Variants in AKT3 observed in about 807,000 individuals in gnomAD.
AKT3 encodes the protein AKT serine/threonine kinase 3.
In AKT3, 15 loss-of-function variants were observed where a neutral mutation model predicts 65.3. The ratio of observed to expected loss-of-function variants is 0.23; its 90% CI spans 0.15 to 0.35. The LOEUF is 0.35. AKT3 is among the 10% of genes least tolerant of loss of function. The pLI, the probability that AKT3 is intolerant of heterozygous loss-of-function variation, is 1.00. For missense variants in AKT3, 243 were observed against 576.5 expected (o/e 0.42, Z 5.92); for synonymous variants, 206 against 183.8 (o/e 1.12, Z -0.98).
chr1:243,743,237 T>G (rs1177574671), intron 2 of AKT3, among the ~76,000 whole-genome samples: 1 of 152,196 alleles, frequency 6.6e-6, no homozygotes, highest in East Asian at 1.9e-4. Context: ...ATTAGGCAGA[T>G]CAACTTTTAA....
rs1216708075 is a variant in AKT3, at chr1:243,571,373, G to A, written c.819+1553C>T. Reference sequence around the variant, plus strand: ...ATTCATTTGATGAGAAATGATTAAAGAAGAAATACTGACCAAGACCATAAT... The same window carrying A: ...ATTCATTTGATGAGAAATGATTAAAAAAGAAATACTGACCAAGACCATAAT... On this transcript the variant is annotated intron_variant, in intron 9 of 13. Transcript: ENST00000673466. Among the ~76,000 whole-genome samples the A allele has an allele frequency of 1.4e-4, 21 of 152,178 alleles. 1 individual carries two copies. The highest frequency in any genetic ancestry group is 3.1e-4 in the Non-Finnish European group (21 of 68,028).
At chr1:243,815,824 C>G (rs963402480) in intron 2 of AKT3, among the ~76,000 whole-genome samples, 5 of 94,490 alleles carry the variant, frequency 5.3e-5, no homozygotes, top group Admixed American at 1.2e-4. Context: ...ACCATCTTGC[C>G]CAGGCTGATC....
chr1:243,850,633 ACTC>A (rs1349412093), upstream of AKT3, among the ~76,000 whole-genome samples: 1 of 149,128 alleles, frequency 6.7e-6, no homozygotes, highest in East Asian at 2.0e-4. Context: ...TTTGAGGAAA[ACTC>A]CTGACGTCAG....
chr1:243,562,063 A>G (rs967993827), intron 10 of AKT3, among the ~76,000 whole-genome samples: 7 of 152,210 alleles, frequency 4.6e-5, no homozygotes, highest in African/African-American at 1.7e-4. Flanking sequence ...TAGCCAAAAA[A>G]TGGATGCAAC....
intron 5 of AKT3, among the ~76,000 whole-genome samples, chr1:243,638,381 CTTTCT>C (rs1165384656): frequency 6.6e-6 from 1 of 152,118 alleles, no homozygotes; most frequent in Non-Finnish European, 1.5e-5. Flanking sequence ...TTTCACTTCT[CTTTCT>C]TAAGTCAGGT....
intron 2 of AKT3, among the ~76,000 whole-genome samples, chr1:243,806,488 C>A (rs868025296): frequency 1.3e-5 from 2 of 152,190 alleles, no homozygotes; most frequent in Non-Finnish European, 2.9e-5. Flanking sequence ...AAAGCATTAA[C>A]TGACTACACC....
At chr1:243,661,697 T>G (rs1447437278) in intron 4 of AKT3, among the ~76,000 whole-genome samples, 6 of 150,728 alleles carry the variant, frequency 4.0e-5, no homozygotes, top group African/African-American at 9.7e-5. Context: ...AAGCCAAAAT[T>G]GACAAATGGG....
In AKT3 at chr1:243,622,320, G is replaced by A. The variant is rs907595874; in HGVS notation, c.562-7159C>T. On this transcript the variant is annotated intron_variant, in intron 6 of 13. Transcript: ENST00000673466. ...TCACCTTTCAGTGAGGCCTTCCATA[G>A]TCATGCTATTTAAAACTGCATTAAG... is the stretch of plus-strand genomic sequence containing the variant. Among the ~76,000 whole-genome samples the A allele has an allele frequency of 6.6e-5, 10 of 152,134 alleles. 1 individual carries two copies. The highest frequency in any genetic ancestry group is 2.4e-4 in the African/African-American group (10 of 41,416).
intron 12 of AKT3, among the ~76,000 whole-genome samples, chr1:243,531,554 T>A (rs1671532421): frequency 6.6e-6 from 1 of 152,230 alleles, no homozygotes; most frequent in Non-Finnish European, 1.5e-5. Flanking sequence ...TGTAGTACGG[T>A]ATTCTGTAAA....
chr1:243,607,588 G>C (rs1677522069), intron 8 of AKT3, among the ~76,000 whole-genome samples: 1 of 152,208 alleles, frequency 6.6e-6, no homozygotes, highest in Admixed American at 6.5e-5. Flanking sequence ...AGTCAGAAGA[G>C]ACTTGCCTTG....
In AKT3 at chr1:243,527,914, CACACACACACACACACACACACAG is replaced by C. The variant is rs1163943012; in HGVS notation, c.1252-15512_1252-15489del. Among the ~76,000 whole-genome samples the C allele has an allele frequency of 2.7e-3, 262 of 97,370 alleles. 3 individuals carry two copies. Among genetic ancestry groups the C allele is most frequent in the East Asian group, 7.8e-3 (20 of 2,554 alleles). The allele number at this position is 97,370 out of a possible 152,430, so 63.9% of individuals were successfully genotyped here. On this transcript the variant is annotated intron_variant, in intron 12 of 13. Coordinates refer to ENST00000673466, the MANE Select transcript of AKT3 (RefSeq NM_005465.7). ...ACACACACACACACACACACACACA[CACACACACACACACACACACACAG>C]AGAGAGAGAGAGAGAGAGAGAATTT...
intron 2 of AKT3, among the ~76,000 whole-genome samples, chr1:243,838,926 C>T (rs1180753045): frequency 6.6e-6 from 1 of 152,068 alleles, no homozygotes; most frequent in African/African-American, 2.4e-5. Flanking sequence ...AATAAAGTAA[C>T]ACGAGCATGG....
At chr1:243,627,569 A>G (rs1679275215) in intron 6 of AKT3, among the ~76,000 whole-genome samples, 1 of 152,208 alleles carries the variant, frequency 6.6e-6, no homozygotes, top group South Asian at 2.1e-4. Flanking sequence ...TGATGACATT[A>G]TGACGGTATC....
intron 2 of AKT3, among the ~76,000 whole-genome samples, chr1:243,812,546 G>A (rs1192584051): frequency 1.3e-5 from 2 of 151,982 alleles, no homozygotes; most frequent in African/African-American, 4.8e-5. Context: ...AGGAAGTGGA[G>A]AAATAACACT....
chr1:243,823,289 C>T (rs1693970475), intron 2 of AKT3, among the ~76,000 whole-genome samples: 1 of 151,856 alleles, frequency 6.6e-6, no homozygotes, highest in African/African-American at 2.4e-5. Flanking sequence ...CAAATACAAG[C>T]CATTTATGAT....
intron 6 of AKT3, among the ~76,000 whole-genome samples, chr1:243,626,064 T>C (rs1572052979): frequency 6.6e-6 from 1 of 152,208 alleles, no homozygotes; most frequent in South Asian, 2.1e-4. Flanking sequence ...AGGATGTTTG[T>C]TCATCCTTAA....
At chr1:243,564,268 A>G (rs1415686717) in intron 9 of AKT3, among the ~76,000 whole-genome samples, 1 of 152,212 alleles carries the variant, frequency 6.6e-6, no homozygotes, top group African/African-American at 2.4e-5. Context: ...TATTGCTATT[A>G]TAAAATATTC....
chr1:243,543,972 A>G (rs1314727514), intron 12 of AKT3, among the ~76,000 whole-genome samples: 1 of 152,192 alleles, frequency 6.6e-6, no homozygotes, highest in Non-Finnish European at 1.5e-5. Context: ...CATCTAATTC[A>G]TATGACATAA....
chr1:243,632,383 TA>T (rs1169636022), intron 6 of AKT3, among the ~76,000 whole-genome samples: 1 of 152,218 alleles, frequency 6.6e-6, no homozygotes, highest in African/African-American at 2.4e-5. Flanking sequence ...CAGTAATATT[TA>T]AAAAGTAATC....
Sources: allele counts gnomAD v4.1 joint callset (sites outside exome capture counted in the v4.1 genomes callset), GRCh38; gene constraint gnomAD v4.1.1; transcripts MANE v1.5; gene names NCBI Gene and HGNC (gene_info 2026-07-23, HGNC 2026-07-21).